The following DAB2IP variants were observed in gnomAD, a reference collection of about 807,000 sequenced individuals.
DAB2IP encodes DAB2 interacting protein.
Under a neutral mutation model 107.2 loss-of-function variants are expected in DAB2IP, and 28 were observed. The ratio of observed to expected loss-of-function variants is 0.26; its 90% CI spans 0.19 to 0.36. The LOEUF is 0.36. Among genes scored for constraint, DAB2IP ranks in the 10% least tolerant of loss-of-function variants. DAB2IP has a pLI of 1.00. For synonymous variants in DAB2IP, 755 were observed against 706.4 expected (o/e 1.07, Z -1.09); for missense variants, 1,400 against 1,644.7 (o/e 0.85, Z 2.57).
At chr9:121,658,105 T>C (rs145749173) in intron 1 of DAB2IP, among the ~76,000 whole-genome samples, 2,315 of 152,252 alleles carry the variant, frequency 0.015, 26 homozygotes, top group Non-Finnish European at 0.023. Flanking sequence ...GGGGAGAGAA[T>C]GGCGATTCAA....
At chr9:121,783,277 C>A (rs1044038501) in exon 16 of DAB2IP, 33 of 1,366,584 alleles carry the variant, frequency 2.4e-5, no homozygotes, top group Non-Finnish European at 3.0e-5. Context: ...CCCACACCTC[C>A]CACACAGGCC....
At chr9:121,676,486 C>T (rs533586388) in intron 1 of DAB2IP, among the ~76,000 whole-genome samples, 1 of 152,344 alleles carries the variant, frequency 6.6e-6, no homozygotes, top group African/African-American at 2.4e-5. Flanking sequence ...GTGTTCACAC[C>T]TACCAGGGAA....
intron 3 of DAB2IP, among the ~76,000 whole-genome samples, chr9:121,742,385 C>T (rs771548484): frequency 3.9e-5 from 6 of 152,288 alleles, no homozygotes; most frequent in African/African-American, 7.2e-5. Flanking sequence ...GCTGAGATTG[C>T]GCCGTTGCAC....
chr9:121,569,810 G>A lies in DAB2IP; in HGVS notation c.40+2582G>A, dbSNP rs999676078. On this transcript the variant is annotated intron_variant, in intron 1 of 16. Coordinates refer to the DAB2IP transcript ENST00000259371. ...CACTCCAGCCTGGGCGACAGAGAGC[G>A]AGATGCCATCTCAGAAGTAATAATA... Among the ~76,000 whole-genome samples the A allele has an allele frequency of 3.9e-5, 6 of 152,216 alleles. No individual in the cohort carries two copies. In the South Asian group the frequency reaches 6.2e-4, roughly 16 times the overall value.
Position 121,782,651 on chromosome 9 carries a change from G to A in DAB2IP, c.*153G>A, listed in dbSNP as rs957009628. ...CCCTGCCGCTGTCCAGGAGGCGGCC[G>A]CAGAGGGAGCCACCAGAGACTGAAG... On this transcript the variant is annotated 3_prime_UTR_variant, in exon 16 of 16. Coordinates refer to ENST00000408936, the Ensembl canonical transcript of DAB2IP. This position sits in a 1 kb window ranked among gnomAD's most constrained non-coding sequence, Gnocchi z 6.1. 54 of 1,457,716 alleles carry A rather than the reference G, an allele frequency of 3.7e-5. No individual in the cohort carries two copies. In the East Asian group the frequency reaches 3.9e-4, roughly 11 times the overall value. 90.3% of individuals were successfully genotyped at this position (1,457,716 alleles called of 1,614,324 possible). A position where few individuals can be genotyped will look rare whatever the true frequency, so the allele number is the denominator to read the frequency against.
chr9:121,742,430 A>C (rs1832419685), intron 3 of DAB2IP, among the ~76,000 whole-genome samples: 1 of 152,174 alleles, frequency 6.6e-6, no homozygotes, highest in Non-Finnish European at 1.5e-5. Context: ...ACTCCATCTC[A>C]AAAAAAGAAG....
In DAB2IP at chr9:121,662,734, T is replaced by A. The variant is rs1833259969; in HGVS notation, c.124+10835T>A. Reference sequence around the variant, plus strand: ...TGCTTTCTGCTTTTACATAGAAGCCTATGCTTCCAAGTGTGTCGAATTGCA... The same window carrying A: ...TGCTTTCTGCTTTTACATAGAAGCCAATGCTTCCAAGTGTGTCGAATTGCA... On this transcript the variant is annotated intron_variant, in intron 1 of 15. Transcript: ENST00000408936. This position sits in a 1 kb window ranked among gnomAD's most constrained non-coding sequence, Gnocchi z 4.6. Among the ~76,000 whole-genome samples the A allele has an allele frequency of 6.6e-6, 1 of 152,198 alleles. No individual in the cohort carries two copies. Among genetic ancestry groups the A allele is most frequent in the Admixed American group, 6.5e-5 (1 of 15,286 alleles).
At chr9:121,769,847 G>A (rs1427574748) in intron 10 of DAB2IP, among the ~76,000 whole-genome samples, 1 of 152,216 alleles carries the variant, frequency 6.6e-6, no homozygotes, top group Non-Finnish European at 1.5e-5. Flanking sequence ...TGTCACATCG[G>A]TGATAGGGTG....
intron 1 of DAB2IP, among the ~76,000 whole-genome samples, chr9:121,614,293 C>T (rs1326539049): frequency 6.6e-6 from 1 of 151,736 alleles, no homozygotes; most frequent in Non-Finnish European, 1.5e-5. Context: ...ATAACCAGGA[C>T]CTAATGTGTC....
At chr9:121,768,034 G>GAGTA (rs1437305249) in intron 9 of DAB2IP, among the ~76,000 whole-genome samples, 1 of 152,104 alleles carries the variant, frequency 6.6e-6, no homozygotes, top group African/African-American at 2.4e-5. Context: ...GTGGCAGGCT[G>GAGTA]AGTAGGAGGG....
At chr9:121,667,482 TTTTC>T (rs1036956199) in intron 1 of DAB2IP, among the ~76,000 whole-genome samples, 1 of 152,046 alleles carries the variant, frequency 6.6e-6, no homozygotes, top group Admixed American at 6.5e-5. Flanking sequence ...CTGATCCACT[TTTTC>T]TTTCTTTCTT....
chr9:121,782,600 G>C lies in DAB2IP; in HGVS notation c.*102G>C. 1 of 1,532,594 alleles carries C rather than the reference G, an allele frequency of 6.5e-7. No homozygotes were observed. The highest frequency in any genetic ancestry group is 8.8e-7 in the Non-Finnish European group (1 of 1,138,748). 94.9% of individuals were successfully genotyped at this position (1,532,594 alleles called of 1,614,324 possible). A position where few individuals can be genotyped will look rare whatever the true frequency, so the allele number is the denominator to read the frequency against. On this transcript the variant is annotated 3_prime_UTR_variant, in exon 16 of 16. Coordinates refer to ENST00000408936, the Ensembl canonical transcript of DAB2IP. The surrounding 1 kb of genome is among the most constrained non-coding windows in gnomAD (Gnocchi z 6.1). ...GCACCCACGGTTGCAGCCCCAGCGC[G>C]GGTGTCAGGAGGCCGAGCCTCCCCT...
intron 3 of DAB2IP, among the ~76,000 whole-genome samples, chr9:121,755,595 G>T (rs761333450): frequency 2.0e-5 from 3 of 152,182 alleles, no homozygotes; most frequent in Non-Finnish European, 4.4e-5. Flanking sequence ...ATCTAGCATG[G>T]GACTCCATGT....
At chr9:121,582,875 T>A (rs1830230876) in intron 1 of DAB2IP, among the ~76,000 whole-genome samples, 1 of 152,116 alleles carries the variant, frequency 6.6e-6, no homozygotes, top group African/African-American at 2.4e-5. Context: ...TGTGAATGAG[T>A]TCTTAGTGCA....
intron 12 of DAB2IP, 99 bp downstream of exon 12, chr9:121,773,594 C>T: frequency 7.7e-7 from 1 of 1,304,130 alleles, no homozygotes; most frequent in Non-Finnish European, 9.8e-7. Flanking sequence ...TTCACCTCCA[C>T]CCTCACCCAG....
At position 121,699,755 on chromosome 9, in the gene DAB2IP, C is replaced by T. The variant is rs572754418; in HGVS notation, c.362+297C>T. On this transcript the variant is annotated intron_variant, in intron 3 of 15. Transcript: ENST00000408936. The surrounding 1 kb of genome is among the most constrained non-coding windows in gnomAD (Gnocchi z 6.2). ...CGCAGGGAAGTCCTGCCTCGCCTGT[C>T]CGAGGTGGGCATTGTTTCCCGGGCC... 6.1e-4 allele frequency among the ~76,000 whole-genome samples: 93 copies of T among 152,306 alleles called. No homozygotes were observed. The highest frequency in any genetic ancestry group is 2.0e-3 in the African/African-American group (83 of 41,588).
chr9:121,705,060 A>G (rs1012890822), intron 3 of DAB2IP, among the ~76,000 whole-genome samples: 1 of 152,178 alleles, frequency 6.6e-6, no homozygotes, highest in Non-Finnish European at 1.5e-5. Flanking sequence ...AGAAGAATCA[A>G]TTTATTTTTT....
rs538214149 is a variant in DAB2IP, at chr9:121,629,873, C to T, written c.41-48805C>T. 1.4e-4 allele frequency among the ~76,000 whole-genome samples: 22 copies of T among 152,286 alleles called. No individual in the cohort carries two copies. In the East Asian group the frequency reaches 3.1e-3, roughly 21 times the overall value. On this transcript the variant is annotated intron_variant, in intron 1 of 16. Transcript: ENST00000259371. ...ATCCTCCTCTTTTCCCTCAAACCCCCGCCTCTCAGCCAGGGCTTCTTAACC... is the reference window on the plus strand; with the variant it reads ...ATCCTCCTCTTTTCCCTCAAACCCCTGCCTCTCAGCCAGGGCTTCTTAACC...
intron 3 of DAB2IP, chr9:121,737,800 G>A (rs1832036748): frequency 1.0e-6 from 1 of 984,648 alleles, no homozygotes; most frequent in Non-Finnish European, 1.2e-6. Flanking sequence ...CAGGTATGGG[G>A]TCAGACAGGC....
Sources: allele counts gnomAD v4.1 joint callset (sites outside exome capture counted in the v4.1 genomes callset), GRCh38; gene constraint gnomAD v4.1.1; non-coding constraint Gnocchi (gnomAD v3.1); transcripts MANE v1.5; gene names NCBI Gene and HGNC (gene_info 2026-07-23, HGNC 2026-07-21).